The following SNX14 variants were observed in gnomAD, a reference collection of about 807,000 sequenced individuals.
The protein encoded by SNX14 is sorting nexin-14.
Under a neutral mutation model 133.8 loss-of-function variants are expected in SNX14, and 93 were observed. The ratio of observed to expected loss-of-function variants is 0.70; its 90% confidence interval spans 0.59 to 0.83. The LOEUF (loss-of-function observed/expected upper bound fraction) is 0.83, where lower values mean the gene tolerates loss of function less well. Among genes scored for constraint, SNX14 ranks in the 40% least tolerant of loss-of-function variants. The pLI is 0.00. For missense variants in SNX14, 945 were observed against 1,094.9 expected (o/e 0.86, Z 1.93); for synonymous variants, 368 against 365.6 (o/e 1.01, Z -0.07).
At chr6:85,571,207 A>C (rs1795436986) in intron 4 of SNX14, among the ~76,000 whole-genome samples, 1 of 151,788 alleles carries the variant, frequency 6.6e-6, no homozygotes, top group South Asian at 2.1e-4. Context: ...CAAAAGAAAA[A>C]AAATTAGGCG....
intron 21 of SNX14, 45 bp from the exon 22 acceptor site, chr6:85,518,093 T>C: frequency 6.8e-7 from 1 of 1,476,024 alleles, no homozygotes; most frequent in Non-Finnish European, 9.3e-7. Flanking sequence ...CATAAAACTC[T>C]TCATAATTGC....
At chr6:85,561,811 C>G (rs1237282586) in intron 6 of SNX14, among the ~76,000 whole-genome samples, 2 of 151,448 alleles carry the variant, frequency 1.3e-5, no homozygotes, top group Non-Finnish European at 1.5e-5. Flanking sequence ...TGTTCATTTG[C>G]CTGTTTCTTT....
At chr6:85,555,822 TCTA>T (rs1306896918) in intron 7 of SNX14, among the ~76,000 whole-genome samples, 1 of 151,952 alleles carries the variant, frequency 6.6e-6, no homozygotes, top group Admixed American at 6.6e-5. Flanking sequence ...AAACCTCATC[TCTA>T]CTAAAAATAC....
At chr6:85,564,715 C>A (rs917659363) in intron 6 of SNX14, among the ~76,000 whole-genome samples, 1 of 152,038 alleles carries the variant, frequency 6.6e-6, no homozygotes, top group African/African-American at 2.4e-5. Context: ...TAAGGCCGGG[C>A]GCAGTGGCTC....
chr6:85,567,365 A>G (rs952417383), intron 5 of SNX14, among the ~76,000 whole-genome samples, 169 bp downstream of exon 5: 6 of 152,188 alleles, frequency 3.9e-5, no homozygotes, highest in African/African-American at 1.4e-4. Flanking sequence ...GGTGCTAATT[A>G]TCATGTAATG....
chr6:85,550,171 A>T (rs570079567), intron 7 of SNX14, among the ~76,000 whole-genome samples: 1 of 152,326 alleles, frequency 6.6e-6, no homozygotes, highest in East Asian at 1.9e-4. Context: ...TGAACCCAGG[A>T]GGCGGAGGTT....
intron 26 of SNX14, among the ~76,000 whole-genome samples, chr6:85,511,287 T>C (rs1265944633): frequency 1.3e-5 from 2 of 152,188 alleles, no homozygotes; most frequent in East Asian, 3.9e-4. Flanking sequence ...CCTGGTAAAA[T>C]TGCTTATTAT....
rs140379920 is a variant in SNX14, at chr6:85,521,897, C to T, written c.2108-3849G>A. Among the ~76,000 whole-genome samples the T allele has an allele frequency of 1.6e-3, 250 of 152,210 alleles. 1 individual carries two copies. The highest frequency in any genetic ancestry group is 8.3e-3 in the East Asian group (43 of 5,180). The stretch of plus-strand genomic sequence containing the variant: ...GGGTCTTACATTTAAGTCTTTAATC[C>T]ACTATGAGTTTGATTTTTTTATTAT... On this transcript the variant is annotated intron_variant, in intron 21 of 28. Transcript: ENST00000314673.
intron 21 of SNX14, among the ~76,000 whole-genome samples, chr6:85,523,549 C>T (rs80088079): frequency 0.027 from 4,142 of 152,138 alleles, 88 homozygotes; most frequent in Non-Finnish European, 0.041. Context: ...CTGAGGCAGA[C>T]GGATCACTTG....
chr6:85,573,045 C>A (rs1190594247), intron 2 of SNX14, among the ~76,000 whole-genome samples: 1 of 152,200 alleles, frequency 6.6e-6, no homozygotes, highest in Non-Finnish European at 1.5e-5. Flanking sequence ...ATCTTGAATT[C>A]AATGACAAAG....
intron 2 of SNX14, among the ~76,000 whole-genome samples, chr6:85,573,047 A>G (rs914318596): frequency 1.3e-5 from 2 of 152,254 alleles, no homozygotes; most frequent in Non-Finnish European, 2.9e-5. Flanking sequence ...CTTGAATTCA[A>G]TGACAAAGGT....
At chr6:85,513,739 C>T in intron 26 of SNX14, 61 bp downstream of exon 26, 18 of 1,235,030 alleles carry the variant, frequency 1.5e-5, no homozygotes, top group Non-Finnish European at 2.1e-5. Context: ...AATTACTATA[C>T]ATTGTGACCT....
At chr6:85,541,043 G>A (rs1263768836) in intron 15 of SNX14, among the ~76,000 whole-genome samples, 1 of 150,580 alleles carries the variant, frequency 6.6e-6, no homozygotes, top group Non-Finnish European at 1.5e-5. Context: ...ACCCAGGCTG[G>A]AGTGCAGTAG....
At chr6:85,561,986 C>G (rs991224087) in intron 6 of SNX14, among the ~76,000 whole-genome samples, 10 of 151,984 alleles carry the variant, frequency 6.6e-5, no homozygotes, top group Non-Finnish European at 1.5e-4. Context: ...TTTTTTTATC[C>G]TAATCCTCCT....
intron 15 of SNX14, among the ~76,000 whole-genome samples, chr6:85,541,587 C>CA (rs1450902856): frequency 1.2e-4 from 18 of 151,110 alleles, no homozygotes; most frequent in Non-Finnish European, 2.4e-4. Context: ...TTTCCAGAGC[C>CA]AAAAAAAAGA....
At chr6:85,527,601 T>C (rs1562236000) in intron 20 of SNX14, among the ~76,000 whole-genome samples, 1 of 152,086 alleles carries the variant, frequency 6.6e-6, no homozygotes, top group Non-Finnish European at 1.5e-5. Flanking sequence ...AAATTGAAAG[T>C]ATCCTCCCTT....
intron 1 of SNX14, among the ~76,000 whole-genome samples, chr6:85,585,724 G>C (rs1047668422): frequency 2.6e-5 from 4 of 152,010 alleles, no homozygotes; most frequent in African/African-American, 9.7e-5. Flanking sequence ...ATGGAGTAAA[G>C]CAATTCTACA....
At chr6:85,517,264 C>T (rs965303434) in intron 23 of SNX14, among the ~76,000 whole-genome samples, 1 of 152,212 alleles carries the variant, frequency 6.6e-6, no homozygotes, top group East Asian at 1.9e-4. Flanking sequence ...CCATAGCTCC[C>T]CATGCTGGGC....
At chr6:85,542,069 C>T in intron 14 of SNX14, 26 bp from the exon 15 acceptor site, 1 of 1,402,044 alleles carries the variant, frequency 7.1e-7, no homozygotes, top group Non-Finnish European at 9.8e-7. Flanking sequence ...TAATAATTAT[C>T]ATTTATTACA....
Sources: gnomAD v4.1 joint callset for allele counts (sites outside exome capture counted in the v4.1 genomes callset) on GRCh38, gnomAD v4.1.1 for gene constraint, MANE v1.5 for transcripts, NCBI Gene and HGNC (gene_info 2026-07-23, HGNC 2026-07-21) for gene names.